Variants in DHX15 observed in about 807,000 individuals in gnomAD.
The protein encoded by DHX15 is DEAH-box helicase 15, also known as ATP-dependent RNA helicase DHX15.
In DHX15, 11 loss-of-function variants were observed where a neutral mutation model predicts 94.4. The ratio of observed to expected loss-of-function variants is 0.12; its 90% confidence interval spans 0.07 to 0.19. The LOEUF is 0.19. DHX15 is among the 10% of genes least tolerant of loss of function. The pLI is 1.00. For missense variants in DHX15, 304 were observed against 988.5 expected (o/e 0.31, Z 9.29); for synonymous variants, 338 against 329.9 (o/e 1.02, Z -0.27).
At chr4:24,532,177 TACTTG>T (rs1721098538) in intron 12 of DHX15, among the ~76,000 whole-genome samples, 2 of 152,264 alleles carry the variant, frequency 1.3e-5, no homozygotes, top group Non-Finnish European at 1.5e-5. Flanking sequence ...TCACAGTATT[TACTTG>T]ACAAGTTTTA....
chr4:24,562,621 C>G (rs574821208), intron 3 of DHX15, among the ~76,000 whole-genome samples: 1 of 152,352 alleles, frequency 6.6e-6, no homozygotes, highest in Admixed American at 6.5e-5. Flanking sequence ...CTATACCACA[C>G]TCTTAACTAG....
At chr4:24,581,886 A>T (rs1722423345) in intron 1 of DHX15, among the ~76,000 whole-genome samples, 1 of 152,164 alleles carries the variant, frequency 6.6e-6, no homozygotes, top group Admixed American at 6.5e-5. Context: ...TAATAACTTC[A>T]CCTGATTTCA....
At chr4:24,547,929 A>ATC (rs1560765868) in intron 6 of DHX15, among the ~76,000 whole-genome samples, 95 of 41,014 alleles carry the variant, frequency 2.3e-3, no homozygotes, top group African/African-American at 9.0e-3. Flanking sequence ...ATATATATAT[A>ATC]TATATATATA....
Position 24,537,041 on chromosome 4 carries a change from T to G in DHX15, c.1909+10A>C, listed in dbSNP as rs1198109541. On this transcript the variant is annotated intron_variant, in intron 11 of 13. Transcript: ENST00000336812. The surrounding 1 kb of genome is among the most constrained non-coding windows in gnomAD (Gnocchi z 4.7). ...TAGACAAGAGTGTCTCCAATCAAAT[T>G]TACACTTACTTTGTTTAAAAGCATG... 1.2e-6 allele frequency: 2 copies of G among 1,611,976 alleles called. No individual in the cohort carries two copies. Among genetic ancestry groups the G allele is most frequent in the African/African-American group, 2.7e-5 (2 of 74,814 alleles).
chr4:24,556,552 C>G (rs1721741544), intron 3 of DHX15, 142 bp from the exon 4 acceptor site: 1 of 638,450 alleles, frequency 1.6e-6, no homozygotes, highest in African/African-American at 1.8e-5. Flanking sequence ...GTTTCATGAT[C>G]AATTGCAAAA....
intron 3 of DHX15, among the ~76,000 whole-genome samples, chr4:24,566,392 A>C (rs1721993317): frequency 6.6e-6 from 1 of 152,178 alleles, no homozygotes; most frequent in Non-Finnish European, 1.5e-5. Context: ...AATCTGCATA[A>C]GTAGTCTTTA....
intron 4 of DHX15, among the ~76,000 whole-genome samples, chr4:24,555,442 C>A (rs2109407496): frequency 6.6e-6 from 1 of 152,184 alleles, no homozygotes; most frequent in South Asian, 2.1e-4. Context: ...TGATAGTACT[C>A]ACATTATTCT....
intron 9 of DHX15, among the ~76,000 whole-genome samples, chr4:24,540,583 C>T (rs1448511067): frequency 6.6e-6 from 1 of 151,824 alleles, no homozygotes; most frequent in East Asian, 1.9e-4. Context: ...CTTAGGAATT[C>T]TCACATTTTC....
At position 24,528,040 on chromosome 4, in the gene DHX15, A is replaced by G; in HGVS notation, c.2272T>C (p.Leu758=). ...RTCTDIKPEW[L]VKIAPQYYDM... is the part of the protein sequence containing the mutation. ...TAATATTGAGGGGCAATTTTCACCA[A>G]CCTGTTTAGAAGTGGGCAGAAAAAT... The change falls in exon 14 of 14, where the codon TTG becomes CTG. Residue 758 remains leucine, a splice_region_variant and synonymous_variant. Coordinates refer to ENST00000336812, the MANE Select transcript of DHX15 (RefSeq NM_001358.3). 6.2e-7 allele frequency: 1 copy of G among 1,611,906 alleles called. No homozygotes were observed. Among genetic ancestry groups the G allele is most frequent in the African/African-American group, 1.3e-5 (1 of 74,996 alleles).
chr4:24,547,881 CTCTCTCTCTATG>C (rs1448568734), intron 6 of DHX15, among the ~76,000 whole-genome samples: 4 of 29,688 alleles, frequency 1.3e-4, no homozygotes, highest in Non-Finnish European at 1.3e-4. Context: ...CTCTCTCTCT[CTCTCTCTCTATG>C]TATGTATGTG....
intron 8 of DHX15, 85 bp from the exon 9 acceptor site, chr4:24,541,033 G>A: frequency 2.8e-6 from 2 of 721,584 alleles, no homozygotes. Flanking sequence ...GCTGCCTCCT[G>A]AGCTATTTGT....
At chr4:24,535,538 T>G (rs1169382686) in intron 11 of DHX15, among the ~76,000 whole-genome samples, 3 of 152,180 alleles carry the variant, frequency 2.0e-5, no homozygotes, top group Non-Finnish European at 4.4e-5. Flanking sequence ...TGTTCTAAGG[T>G]AAACCATGTG....
intron 8 of DHX15, among the ~76,000 whole-genome samples, chr4:24,541,407 TA>T (rs1168998226): frequency 6.6e-6 from 1 of 152,168 alleles, no homozygotes; most frequent in East Asian, 1.9e-4. Context: ...AGTAACCTTT[TA>T]CTTAATAATG....
At chr4:24,567,101 A>G (rs1380287787) in intron 3 of DHX15, among the ~76,000 whole-genome samples, 1 of 152,200 alleles carries the variant, frequency 6.6e-6, no homozygotes, top group African/African-American at 2.4e-5. Flanking sequence ...AAAAATCTCT[A>G]ATTTTACAGC....
chr4:24,564,508 A>T (rs1302144961), intron 3 of DHX15, among the ~76,000 whole-genome samples: 3 of 152,194 alleles, frequency 2.0e-5, no homozygotes, highest in South Asian at 2.1e-4. Context: ...CTCAACTCAG[A>T]TGAAATACCT....
At chr4:24,534,956 C>T (rs79700259) in intron 11 of DHX15, among the ~76,000 whole-genome samples, 1 of 143,250 alleles carries the variant, frequency 7.0e-6, no homozygotes, top group African/African-American at 2.6e-5. Flanking sequence ...AAGTTTTTTG[C>T]TTTTTTTTTT....
chr4:24,566,584 G>A (rs1721998513), intron 3 of DHX15, among the ~76,000 whole-genome samples: 1 of 152,140 alleles, frequency 6.6e-6, no homozygotes, highest in African/African-American at 2.4e-5. Context: ...CCAGCACTTT[G>A]GGAGGCTGAG....
intron 12 of DHX15, chr4:24,530,705 G>C (rs2109390869): frequency 6.6e-6 from 1 of 152,146 alleles, no homozygotes; most frequent in Middle Eastern, 3.4e-3. Context: ...GCTTGCACGT[G>C]CTTCCCTCTC....
chr4:24,560,234 T>C lies in DHX15; in HGVS notation c.702-3824A>G, dbSNP rs149912447. On this transcript the variant is annotated intron_variant, in intron 3 of 13. Transcript: ENST00000336812. ...ATATTTTTGTATTTATATATATGTA[T>C]ATATATTTTATGAAACATTCCAAAA... is the stretch of plus-strand genomic sequence containing the variant. 2.0e-5 allele frequency among the ~76,000 whole-genome samples: 3 copies of C among 151,632 alleles called. No homozygotes were observed. In the East Asian group the frequency reaches 5.8e-4, roughly 29 times the overall value.
Sources: gnomAD v4.1 joint callset for allele counts (sites outside exome capture counted in the v4.1 genomes callset) on GRCh38, gnomAD v4.1.1 for gene constraint, Gnocchi (gnomAD v3.1) non-coding constraint, MANE v1.5 for transcripts, NCBI Gene and HGNC (gene_info 2026-07-23, HGNC 2026-07-21) for gene names.